Variants in OXR1 observed in about 807,000 individuals in gnomAD.
OXR1 encodes the protein oxidation resistance protein 1.
In OXR1, 41 loss-of-function variants were observed where a neutral mutation model predicts 104.6. That is an observed-to-expected ratio of 0.39 (90% CI 0.31 to 0.51). The LOEUF (loss-of-function observed/expected upper bound fraction) is 0.51, where lower values mean the gene tolerates loss of function less well. OXR1 is among the 20% of genes least tolerant of loss of function. The pLI is 0.77. For synonymous variants in OXR1, 348 were observed against 348.4 expected (o/e 1.00, Z 0.01); for missense variants, 955 against 1,031.9 (o/e 0.93, Z 1.02).
At chr8:106,406,045 C>A (rs923333304) in intron 2 of OXR1, among the ~76,000 whole-genome samples, 4 of 152,142 alleles carry the variant, frequency 2.6e-5, no homozygotes, top group Non-Finnish European at 4.4e-5. Context: ...TCTTATTCCT[C>A]CAAAGAAACT....
At chr8:106,488,496 C>T (rs1038553203) in intron 2 of OXR1, among the ~76,000 whole-genome samples, 6 of 152,110 alleles carry the variant, frequency 3.9e-5, no homozygotes, top group African/African-American at 1.4e-4. Flanking sequence ...GAAGTCCTTG[C>T]CCATGGCTAT....
intron 1 of OXR1, among the ~76,000 whole-genome samples, chr8:106,324,971 A>G (rs1814405234): frequency 6.6e-6 from 1 of 152,220 alleles, no homozygotes; most frequent in South Asian, 2.1e-4. Context: ...TCAACTTGAA[A>G]TTTTACAATC....
At chr8:106,714,036 T>G (rs745538397) in intron 11 of OXR1, 51 bp downstream of exon 11, 5 of 1,370,990 alleles carry the variant, frequency 3.6e-6, no homozygotes, top group Admixed American at 2.4e-5. Context: ...TTGTATGAAT[T>G]TATAGCTTTA....
rs545779141 is a variant in OXR1, at chr8:106,472,672, T to G, written c.24-46271T>G. ...AGGTAAAGGAAGAGACTTATGCAAT[T>G]AAATTACATTATTCTGTCATCCGTG... On this transcript the variant is annotated intron_variant, in intron 2 of 16. Coordinates refer to ENST00000517566, the MANE Select transcript of OXR1 (RefSeq NM_001198533.2). 7.9e-5 allele frequency among the ~76,000 whole-genome samples: 12 copies of G among 151,968 alleles called. No homozygotes were observed. In the South Asian group the frequency reaches 2.3e-3, roughly 29 times the overall value.
intron 3 of OXR1, among the ~76,000 whole-genome samples, chr8:106,667,980 AG>A (rs1346390797): frequency 1.3e-5 from 2 of 151,434 alleles, no homozygotes; most frequent in Non-Finnish European, 2.9e-5. Context: ...AAAAAAAAAA[AG>A]AAAAAAAATT....
chr8:106,752,117 C>T lies in OXR1; in HGVS notation c.*1176C>T, dbSNP rs1835925779. On this transcript the variant is annotated 3_prime_UTR_variant, in exon 17 of 17. Coordinates refer to ENST00000517566, the MANE Select transcript of OXR1 (RefSeq NM_001198533.2). ...AATTCATCAGTTGATTTTAAAGCTT[C>T]ATGTTATGCAAAAAAGAATCCTGCT... 6.6e-6 allele frequency: 1 copy of T among 152,440 alleles called. No individual in the cohort carries two copies. 9.4% of individuals were successfully genotyped at this position (152,440 alleles called of 1,614,324 possible).
chr8:106,626,044 TTGTGTGTG>T (rs59554916), intron 3 of OXR1, among the ~76,000 whole-genome samples: 1 of 148,418 alleles, frequency 6.7e-6, no homozygotes, highest in African/African-American at 2.5e-5. Flanking sequence ...GTTCTGCGTT[TTGTGTGTG>T]TGTGTGTGTG....
intron 1 of OXR1, 32 bp from the exon 2 acceptor site, chr8:106,359,444 T>G (rs1257385479): frequency 1.6e-6 from 1 of 610,364 alleles, no homozygotes; most frequent in African/African-American, 1.8e-5. Flanking sequence ...GACCAGGTAC[T>G]AGAGATATTC....
chr8:106,570,469 A>G (rs1164161841), intron 3 of OXR1, among the ~76,000 whole-genome samples: 1 of 152,150 alleles, frequency 6.6e-6, no homozygotes, highest in Non-Finnish European at 1.5e-5. Context: ...GAGGGGAGAA[A>G]ATGGAGAATT....
intron 3 of OXR1, among the ~76,000 whole-genome samples, chr8:106,521,842 G>A (rs1813286398): frequency 6.6e-6 from 1 of 152,094 alleles, no homozygotes. Flanking sequence ...ATAATATAGT[G>A]GAGTGATATT....
intron 1 of OXR1, among the ~76,000 whole-genome samples, chr8:106,287,555 A>G (rs1245188177): frequency 6.6e-6 from 1 of 152,154 alleles, no homozygotes; most frequent in Non-Finnish European, 1.5e-5. Context: ...CCCACATGGC[A>G]TCATAGAATG....
chr8:106,564,679 T>TA (rs1563609215), intron 3 of OXR1, among the ~76,000 whole-genome samples: 1 of 152,004 alleles, frequency 6.6e-6, no homozygotes, highest in East Asian at 1.9e-4. Flanking sequence ...AGAAAAAACA[T>TA]AAAAAGAAAA....
intron 6 of OXR1, among the ~76,000 whole-genome samples, chr8:106,692,102 T>G (rs1829365194): frequency 6.6e-6 from 1 of 152,026 alleles, no homozygotes; most frequent in African/African-American, 2.4e-5. Flanking sequence ...CTTATAATTC[T>G]CTATTTTATT....
At chr8:106,511,447 CTTCT>C (rs1488383622) in intron 2 of OXR1, among the ~76,000 whole-genome samples, 4 of 152,140 alleles carry the variant, frequency 2.6e-5, no homozygotes, top group African/African-American at 9.7e-5. Context: ...CACAGATGGT[CTTCT>C]TGCTGGAAAT....
At chr8:106,520,248 CA>C (rs2130119237) in intron 3 of OXR1, among the ~76,000 whole-genome samples, 1 of 119,670 alleles carries the variant, frequency 8.4e-6, no homozygotes, top group African/African-American at 3.8e-5. Context: ...AAATGATCAT[CA>C]GGAGACCAGA....
chr8:106,507,853 A>C (rs2130004773), intron 2 of OXR1, among the ~76,000 whole-genome samples: 1 of 152,336 alleles, frequency 6.6e-6, no homozygotes, highest in Non-Finnish European at 1.5e-5. Context: ...TCCTTTCTGA[A>C]GGATTTCAAA....
chr8:106,448,034 C>G (rs780974297), intron 2 of OXR1: 2 of 1,535,850 alleles, frequency 1.3e-6, no homozygotes, highest in Non-Finnish European at 1.7e-6. Flanking sequence ...TGACGAAGGA[C>G]AAAAACAGCC....
intron 3 of OXR1, among the ~76,000 whole-genome samples, chr8:106,569,748 T>A (rs1216515966): frequency 6.6e-6 from 1 of 152,244 alleles, no homozygotes; most frequent in Non-Finnish European, 1.5e-5. Flanking sequence ...TCAGTATCAC[T>A]TTCAGTAAAT....
chr8:106,691,609 C>CATATATATACATATATATATATAT (rs1187917000), intron 6 of OXR1, among the ~76,000 whole-genome samples: 1 of 76,866 alleles, frequency 1.3e-5, no homozygotes, highest in Non-Finnish European at 2.5e-5. Flanking sequence ...ACAATGTGCA[C>CATATATATACATATATATATATAT]ATATATATAC....
Sources: allele counts gnomAD v4.1 joint callset (sites outside exome capture counted in the v4.1 genomes callset), GRCh38; gene constraint gnomAD v4.1.1; transcripts MANE v1.5; gene names NCBI Gene and HGNC (gene_info 2026-07-23, HGNC 2026-07-21).